Variants in IAPP observed in about 807,000 individuals in gnomAD.
The protein encoded by IAPP is Islet amyloid polypeptide (diabetes-associated peptide; amylin).
Under a neutral mutation model 2.9 loss-of-function variants are expected in IAPP, and 4 were observed. The observed-to-expected ratio is 1.39, with a 90% CI of 0.69 to 3.19. The LOEUF (loss-of-function observed/expected upper bound fraction) is 3.19, where lower values mean the gene tolerates loss of function less well. Ranked by LOEUF, IAPP falls within the 30% of genes most tolerant of loss-of-function variation. IAPP has a pLI of 0.01. For synonymous variants in IAPP, 40 were observed against 42.1 expected, an observed-to-expected ratio of 0.95 and a Z score of 0.19; for missense variants, 114 against 105.3, an observed-to-expected ratio of 1.08 and a Z score of -0.36.
upstream of IAPP, among the ~76,000 whole-genome samples, chr12:21,371,031 T>C (rs1330284787): frequency 1.3e-5 from 2 of 152,214 alleles, no homozygotes; most frequent in Non-Finnish European, 2.9e-5. Context: ...GGCTAACCCA[T>C]ATGCAGAGAG....
intron 1 of IAPP, among the ~76,000 whole-genome samples, chr12:21,357,469 T>G (rs1938464789): frequency 6.6e-6 from 1 of 152,224 alleles, no homozygotes; most frequent in South Asian, 2.1e-4. Context: ...CCTCCAGAAC[T>G]GTGAAACTAT....
chr12:21,363,488 A>G (rs567760704), intron 1 of IAPP, among the ~76,000 whole-genome samples: 1 of 152,346 alleles, frequency 6.6e-6, no homozygotes, highest in Non-Finnish European at 1.5e-5. Context: ...TAAAAGAACT[A>G]CAGAAGCAAG....
chr12:21,357,918 A>T (rs370922227), intron 1 of IAPP, among the ~76,000 whole-genome samples: 4 of 152,192 alleles, frequency 2.6e-5, no homozygotes, highest in African/African-American at 9.7e-5. Flanking sequence ...TTAAATACCG[A>T]ATTCTCCATA....
chr12:21,366,346 C>T (rs1405620517), intron 1 of IAPP, among the ~76,000 whole-genome samples: 1 of 136,032 alleles, frequency 7.4e-6, no homozygotes, highest in Non-Finnish European at 1.5e-5. Context: ...GAGAATTGAA[C>T]AATGAGAACA....
At position 21,373,003 on chromosome 12, in the gene IAPP, A is replaced by T. The variant is rs1301800362; in HGVS notation, c.-17A>T. 3.6e-6 allele frequency: 1 copy of T among 277,846 alleles called. No individual in the cohort carries two copies. Among genetic ancestry groups the T allele is most frequent in the African/African-American group, 2.3e-5 (1 of 43,876 alleles). 17.2% of individuals were successfully genotyped at this position (277,846 alleles called of 1,614,324 possible). ...ATATTGCTGACATTGAAACATTAAA[A>T]GGTAAAGAATTTCCTATTTCTGGGA... is the stretch of plus-strand genomic sequence containing the variant. On this transcript the variant is annotated splice_region_variant and 5_prime_UTR_variant, in exon 1 of 3. In the 5' UTR this introduces an upstream ATG that the reference lacks. Coordinates refer to ENST00000240652, the MANE Select transcript of IAPP (RefSeq NM_000415.3).
chr12:21,372,043 AG>A (rs1202659887), upstream of IAPP, among the ~76,000 whole-genome samples: 2 of 152,104 alleles, frequency 1.3e-5, no homozygotes, highest in African/African-American at 4.8e-5. Flanking sequence ...AAGAAATACA[AG>A]AAAAAGAAAA....
intron 1 of IAPP, among the ~76,000 whole-genome samples, chr12:21,364,148 A>G (rs539853023): frequency 8.5e-4 from 129 of 152,342 alleles, no homozygotes; most frequent in African/African-American, 3.0e-3. Context: ...AAAATCCTCA[A>G]TAAAATACTG....
chr12:21,379,903 G>A lies in IAPP; in HGVS notation c.*1477G>A, dbSNP rs1031021341. 6.6e-6 allele frequency: 1 copy of A among 152,072 alleles called. No homozygotes were observed. The allele number at this position is 152,072 out of a possible 1,614,324, so 9.4% of individuals were successfully genotyped here. A position where few individuals can be genotyped will look rare whatever the true frequency, so the allele number is the denominator to read the frequency against. On this transcript the variant is annotated 3_prime_UTR_variant, in exon 3 of 3. Transcript: ENST00000240652. The stretch of plus-strand genomic sequence containing the variant: ...GTGGTAGCGGTAGTGAGTGTATAGA[G>A]GCAGGGAAATATATTTATAATAAAT...
Position 21,379,752 on chromosome 12 carries a change from G to GA in IAPP, c.*1332dup, listed in dbSNP as rs1427532608. ...CTCAACTTGTACTTTTAAAAAAATA[G>GA]AAAAAATAAGCATTTCAATCTAAGT... On this transcript the variant is annotated 3_prime_UTR_variant, in exon 3 of 3. Transcript: ENST00000240652. 2 of 152,176 alleles carry GA rather than the reference G, an allele frequency of 1.3e-5. No homozygotes were observed. Among genetic ancestry groups the GA allele is most frequent in the Non-Finnish European group, 2.9e-5 (2 of 67,974 alleles). 9.4% of individuals were successfully genotyped at this position (152,176 alleles called of 1,614,324 possible).
intron 1 of IAPP, among the ~76,000 whole-genome samples, chr12:21,363,742 A>C (rs560014488): frequency 4.6e-5 from 7 of 152,220 alleles, no homozygotes; most frequent in Middle Eastern, 3.2e-3. Flanking sequence ...AGAAATACAA[A>C]CTACTATCAG....
chr12:21,377,249 G>A (rs982157426), intron 2 of IAPP, among the ~76,000 whole-genome samples: 1 of 152,046 alleles, frequency 6.6e-6, no homozygotes, highest in African/African-American at 2.4e-5. Context: ...ATCCAAGCAG[G>A]AAAATGTATT....
intron 1 of IAPP, among the ~76,000 whole-genome samples, chr12:21,363,143 A>T (rs11502681): frequency 0.14 from 21,357 of 152,196 alleles, 1,621 homozygotes; most frequent in Middle Eastern, 0.21. Context: ...ACATAGTTGG[A>T]AGTAAAGCAC....
intron 1 of IAPP, among the ~76,000 whole-genome samples, chr12:21,366,123 A>G (rs1939357078): frequency 6.6e-6 from 1 of 152,214 alleles, no homozygotes; most frequent in Non-Finnish European, 1.5e-5. Context: ...AGCACTATTC[A>G]CAACAGCAAA....
intron 1 of IAPP, among the ~76,000 whole-genome samples, chr12:21,361,381 T>A (rs939800946): frequency 1.3e-5 from 2 of 152,136 alleles, no homozygotes; most frequent in African/African-American, 4.8e-5. Flanking sequence ...AAACCCCATC[T>A]GTAGGTCACC....
chr12:21,374,184 T>G (rs1940014877), intron 2 of IAPP, among the ~76,000 whole-genome samples: 1 of 152,192 alleles, frequency 6.6e-6, no homozygotes, highest in Admixed American at 6.5e-5. Flanking sequence ...TAAGGACATC[T>G]AACAACTATG....
chr12:21,362,127 G>C (rs1429030496), intron 1 of IAPP, among the ~76,000 whole-genome samples: 1 of 152,150 alleles, frequency 6.6e-6, no homozygotes, highest in South Asian at 2.1e-4. Context: ...AGGAAAAAAT[G>C]TTAAGGGCAG....
At chr12:21,365,779 C>A (rs1236007331) in intron 1 of IAPP, among the ~76,000 whole-genome samples, 4 of 152,168 alleles carry the variant, frequency 2.6e-5, no homozygotes, top group African/African-American at 7.2e-5. Context: ...ATTTATGCAG[C>A]CAACAGACAC....
At position 21,375,544 on chromosome 12, in the gene IAPP, C is replaced by A. The variant is rs973702341; in HGVS notation, c.80+2113C>A. Among the ~76,000 whole-genome samples, 7 of 152,180 alleles carry A rather than the reference C, an allele frequency of 4.6e-5. No homozygotes were observed. In the East Asian group the frequency reaches 1.2e-3, roughly 25 times the overall value. On this transcript the variant is annotated intron_variant, in intron 2 of 2. Transcript: ENST00000240652. ...TGAAATAGGATAAAAGGATCACATACTTTCCCACCAACTTTTTTACACTCC... is the reference window on the plus strand; with the variant it reads ...TGAAATAGGATAAAAGGATCACATAATTTCCCACCAACTTTTTTACACTCC...
intron 2 of IAPP, 121 bp from the exon 3 acceptor site, chr12:21,378,116 G>A (rs1940339269): frequency 1.2e-6 from 1 of 865,336 alleles, no homozygotes; most frequent in Non-Finnish European, 1.8e-6. Flanking sequence ...CCAAAACACT[G>A]AGTTACTTAT....
Sources: allele counts gnomAD v4.1 joint callset (sites outside exome capture counted in the v4.1 genomes callset), GRCh38; gene constraint gnomAD v4.1.1; transcripts MANE v1.5; gene names NCBI Gene and HGNC (gene_info 2026-07-23, HGNC 2026-07-21).